PHEX: variants seen among roughly 807,000 people sequenced by gnomAD.
PHEX encodes phosphate-regulating neutral endopeptidase PHEX.
In PHEX, 16 loss-of-function variants were observed where a neutral mutation model predicts 68.0. The ratio of observed to expected loss-of-function variants is 0.24; its 90% CI spans 0.16 to 0.36. The LOEUF is 0.36. PHEX is among the 10% of genes least tolerant of loss of function. The pLI, the probability that PHEX is intolerant of heterozygous loss-of-function variation, is 1.00. For synonymous variants in PHEX, 208 were observed against 205.1 expected, an observed-to-expected ratio of 1.01 and a Z score of -0.12; for missense variants, 480 against 575.5, an observed-to-expected ratio of 0.83 and a Z score of 1.70.
At chrX:22,039,621 G>T (rs769575807) in intron 2 of PHEX, among the ~76,000 whole-genome samples, 1 of 112,430 alleles carries the variant, frequency 8.9e-6, no homozygotes, top group African/African-American at 3.2e-5. Flanking sequence ...TCTACTTAGG[G>T]CATTAGGGTG....
At chrX:22,244,015 A>G (rs1439143827) in intron 20 of PHEX, among the ~76,000 whole-genome samples, 1 of 112,358 alleles carries the variant, frequency 8.9e-6, no homozygotes, top group Non-Finnish European at 1.9e-5. Flanking sequence ...TCACAATAGC[A>G]AAGACTGGGA....
chrX:22,159,134 A>C (rs1425419905), intron 12 of PHEX, among the ~76,000 whole-genome samples: 1 of 113,560 alleles, frequency 8.8e-6, no homozygotes, highest in Non-Finnish European at 1.9e-5. Context: ...ACATGCACAC[A>C]GATGATGCTG....
intron 2 of PHEX, among the ~76,000 whole-genome samples, chrX:22,045,021 T>G (rs1395169295): frequency 2.0e-5 from 2 of 101,037 alleles, no homozygotes; most frequent in Non-Finnish European, 2.0e-5. Flanking sequence ...TTTGCTAGTG[T>G]TTTTTTTTTG....
intron 11 of PHEX, among the ~76,000 whole-genome samples, chrX:22,131,287 C>T (rs1391336805): frequency 4.5e-5 from 5 of 111,592 alleles, no homozygotes; most frequent in African/African-American, 6.5e-5. Context: ...GTAATCTGCC[C>T]GCCTCAGCCT....
chrX:22,177,223 C>T (rs923991849), intron 13 of PHEX, among the ~76,000 whole-genome samples: 3 of 111,446 alleles, frequency 2.7e-5, no homozygotes, highest in Non-Finnish European at 3.8e-5. Context: ...TATATACATT[C>T]GTATCTATAA....
intron 12 of PHEX, among the ~76,000 whole-genome samples, chrX:22,141,780 T>G (rs183557868): frequency 1.4e-4 from 16 of 112,349 alleles, no homozygotes; most frequent in Non-Finnish European, 5.6e-5. Flanking sequence ...AAAGTTCTAG[T>G]TCCATCATCT....
intron 12 of PHEX, among the ~76,000 whole-genome samples, chrX:22,141,625 T>A (rs1340797764): frequency 2.7e-5 from 3 of 111,612 alleles, no homozygotes; most frequent in African/African-American, 9.7e-5. Flanking sequence ...TTTATTCTTA[T>A]TAAAATCCAT....
intron 3 of PHEX, among the ~76,000 whole-genome samples, chrX:22,059,153 A>T (rs1402029339): frequency 9.0e-6 from 1 of 111,237 alleles, no homozygotes; most frequent in Non-Finnish European, 1.9e-5. Flanking sequence ...GGGATCCTTA[A>T]CTTGAGTCCA....
chrX:22,144,891 C>T (rs1220102160), intron 12 of PHEX, among the ~76,000 whole-genome samples: 1 of 111,406 alleles, frequency 9.0e-6, no homozygotes, highest in Non-Finnish European at 1.9e-5. Flanking sequence ...TAAATTGAGT[C>T]ATTTGTCTGG....
chrX:22,092,134 A>C (rs777526127), intron 6 of PHEX, among the ~76,000 whole-genome samples: 1 of 111,633 alleles, frequency 9.0e-6, no homozygotes, highest in African/African-American at 3.3e-5. Flanking sequence ...CTATGTCCCC[A>C]GTTTCTCCGG....
intron 12 of PHEX, among the ~76,000 whole-genome samples, chrX:22,158,481 A>G (rs1471224462): frequency 8.9e-6 from 1 of 112,395 alleles, no homozygotes; most frequent in Non-Finnish European, 1.9e-5. Flanking sequence ...AACCACGTAT[A>G]CTAAACATAC....
At chrX:22,064,033 A>G (rs745972410) in intron 3 of PHEX, among the ~76,000 whole-genome samples, 10 of 112,938 alleles carry the variant, frequency 8.9e-5, no homozygotes, top group Non-Finnish European at 1.9e-4. Context: ...CCATTGTTTC[A>G]CATGAGCTAA....
intron 11 of PHEX, among the ~76,000 whole-genome samples, chrX:22,119,657 A>G (rs1219095256): frequency 9.6e-6 from 1 of 104,653 alleles, no homozygotes; most frequent in Non-Finnish European, 1.9e-5. Flanking sequence ...CACTGGCATG[A>G]TCTTGGCTCA....
intron 15 of PHEX, among the ~76,000 whole-genome samples, chrX:22,208,437 G>A (rs1020456218): frequency 8.9e-6 from 1 of 112,290 alleles, no homozygotes; most frequent in Non-Finnish European, 1.9e-5. Flanking sequence ...TTCACTTACT[G>A]CATAGCAGTC....
At chrX:22,114,200 T>G (rs759293312) in intron 10 of PHEX, among the ~76,000 whole-genome samples, 1 of 110,660 alleles carries the variant, frequency 9.0e-6, no homozygotes, top group Admixed American at 9.7e-5. Context: ...TCTGCTCACC[T>G]GGGCTTCTTA....
intron 3 of PHEX, among the ~76,000 whole-genome samples, chrX:22,060,186 C>T (rs1331256322): frequency 9.4e-6 from 1 of 106,600 alleles, no homozygotes; most frequent in Admixed American, 1.0e-4. Flanking sequence ...AATTCTTATT[C>T]GAAGTGATAT....
chrX:22,110,729 A>C (rs1227473798), intron 9 of PHEX, among the ~76,000 whole-genome samples: 1 of 110,748 alleles, frequency 9.0e-6, no homozygotes. Flanking sequence ...GCATGTTCTC[A>C]CTCGTAGGTG....
At chrX:22,247,239 A>T (rs1252583999) in intron 21 of PHEX, among the ~76,000 whole-genome samples, 1 of 112,632 alleles carries the variant, frequency 8.9e-6, no homozygotes, top group Non-Finnish European at 1.9e-5. Context: ...TGCAGATTGA[A>T]TGAATTCTTT....
intron 1 of PHEX, among the ~76,000 whole-genome samples, chrX:22,035,117 A>G (rs1926951693): frequency 9.0e-6 from 1 of 110,852 alleles, no homozygotes; most frequent in Admixed American, 9.7e-5. Context: ...CTGCCTGTCC[A>G]CATTCACTTA....
Sources: allele counts gnomAD v4.1 joint callset (sites outside exome capture counted in the v4.1 genomes callset), GRCh38; gene constraint gnomAD v4.1.1; transcripts MANE v1.5; gene names NCBI Gene and HGNC (gene_info 2026-07-23, HGNC 2026-07-21).